The following CKAP2L variants were observed in gnomAD, a reference collection of about 807,000 sequenced individuals.
The protein encoded by CKAP2L is cytoskeleton-associated protein 2-like.
CKAP2L carries 42 observed loss-of-function variants against 65.7 expected under a neutral mutation model. The observed-to-expected ratio is 0.64, with a 90% confidence interval of 0.50 to 0.83. CKAP2L has a LOEUF of 0.83. Among genes scored for constraint, CKAP2L ranks in the 40% least tolerant of loss-of-function variants. CKAP2L has a pLI of 0.00. For synonymous variants in CKAP2L, 325 were observed against 313.5 expected, an observed-to-expected ratio of 1.04 and a Z score of -0.39; for missense variants, 908 against 871.0, an observed-to-expected ratio of 1.04 and a Z score of -0.53.
chr2:112,762,784 A>AC lies in CKAP2L; in HGVS notation c.38-216dup, dbSNP rs1409884583. Among the ~76,000 whole-genome samples, 107 of 143,672 alleles carry AC rather than the reference A, an allele frequency of 7.4e-4. 1 individual carries two copies. Among genetic ancestry groups the AC allele is most frequent in the African/African-American group, 2.7e-3 (100 of 36,848 alleles). The allele number at this position is 143,672 out of a possible 152,430, so 94.3% of individuals were successfully genotyped here. A position where few individuals can be genotyped will look rare whatever the true frequency, so the allele number is the denominator to read the frequency against. ...CTACACTAAGTTCTTTAAACTTACT[A>AC]CTTTTTTTTTTTTTTTTGAGACAGG... On this transcript the variant is annotated intron_variant, in intron 1 of 8. Coordinates refer to ENST00000302450, the MANE Select transcript of CKAP2L (RefSeq NM_152515.5).
At position 112,746,518 on chromosome 2, in the gene CKAP2L, A is replaced by G; in HGVS notation, c.1660T>C (p.Phe554Leu). ...ILSSIPEAEK[F>L]AKFWICKAKL... is the part of the protein sequence containing the mutation. ...GCTTTGCAGATCCAGAATTTAGCAA[A>G]TTTTTCAGCTTCAGGAATGCTGGAC... Residue 554 changes from phenylalanine to leucine, a missense_variant, in exon 6 of 9, where the codon TTT becomes CTT. By Grantham distance (22) the Phe-to-Leu change is conservative (BLOSUM62 0). Coordinates refer to ENST00000302450, the MANE Select transcript of CKAP2L (RefSeq NM_152515.5). 2 of 1,613,408 alleles carry G rather than the reference A, an allele frequency of 1.2e-6. No homozygotes were observed. Among genetic ancestry groups the G allele is most frequent in the Non-Finnish European group, 1.7e-6 (2 of 1,179,528 alleles).
chr2:112,752,246 G>A (rs766427281), intron 5 of CKAP2L, 21 bp downstream of exon 5: 17 of 1,568,938 alleles, frequency 1.1e-5, no homozygotes, highest in Admixed American at 1.1e-4. Flanking sequence ...AAAGCTGGAG[G>A]AGCTTATCTT....
chr2:112,739,192 C>T (rs1009105385), intron 8 of CKAP2L, 144 bp from the exon 9 acceptor site: 2 of 660,412 alleles, frequency 3.0e-6, no homozygotes, highest in Admixed American at 3.0e-5. Context: ...CAGCTTTCAT[C>T]TTCAGATGGC....
intron 8 of CKAP2L, 51 bp from the exon 9 acceptor site, chr2:112,739,099 T>C (rs776642928): frequency 1.5e-6 from 2 of 1,372,432 alleles, no homozygotes; most frequent in East Asian, 4.9e-5. Flanking sequence ...AAAAAAATTA[T>C]CTTTATTATT....
At chr2:112,755,549 C>T (rs925332194) in intron 4 of CKAP2L, among the ~76,000 whole-genome samples, 16 of 152,068 alleles carry the variant, frequency 1.1e-4, no homozygotes, top group African/African-American at 3.6e-4. Context: ...TCTGGTTCTT[C>T]CCTGGTAACT....
In CKAP2L at chr2:112,736,438, G is replaced by A. The variant is rs750818714; in HGVS notation, c.*2385C>T. On this transcript the variant is annotated 3_prime_UTR_variant, in exon 9 of 9. Transcript: ENST00000302450. ...TATAGATAATAAAATGGCTGCTATAGTGAAGCAGATTAACATTATCATCTC... is the reference window on the plus strand; with the variant it reads ...TATAGATAATAAAATGGCTGCTATAATGAAGCAGATTAACATTATCATCTC... Among the ~76,000 whole-genome samples, 1 of 151,512 alleles carries A rather than the reference G, an allele frequency of 6.6e-6. No homozygotes were observed. Among genetic ancestry groups the A allele is most frequent in the Non-Finnish European group, 1.5e-5 (1 of 68,036 alleles).
At chr2:112,741,077 T>C in intron 7 of CKAP2L, 70 bp from the exon 8 acceptor site, 1 of 979,774 alleles carries the variant, frequency 1.0e-6, no homozygotes, top group Non-Finnish European at 1.6e-6. Context: ...GTCAATAACA[T>C]GAAAAATACA....
intron 4 of CKAP2L, among the ~76,000 whole-genome samples, chr2:112,752,889 C>T (rs1301769757): frequency 6.6e-6 from 1 of 152,188 alleles, no homozygotes; most frequent in Non-Finnish European, 1.5e-5. Context: ...ATTCTACCCT[C>T]AATAAGGTCT....
chr2:112,756,333 G>C lies in CKAP2L; in HGVS notation c.1038C>G (p.Asn346Lys). ...YPSLLQGEYNNRHPNIKQDQK... is the reference protein window; with the variant it reads ...YPSLLQGEYNKRHPNIKQDQK... ...GATCTTGCTTGATGTTTGGATGTCT[G>C]TTGTTATATTCACCCTGAAGCAAAC... Residue 346 changes from asparagine to lysine, a missense_variant, in exon 4 of 9, where the codon AAC (asparagine) becomes AAG (lysine). By Grantham distance (94) the Asn-to-Lys change is moderately conservative (BLOSUM62 0). Coordinates refer to ENST00000302450, the MANE Select transcript of CKAP2L (RefSeq NM_152515.5). 6.2e-7 allele frequency: 1 copy of C among 1,613,684 alleles called. No individual in the cohort carries two copies. Among genetic ancestry groups the C allele is most frequent in the Non-Finnish European group, 8.5e-7 (1 of 1,179,788 alleles).
At position 112,738,736 on chromosome 2, in the gene CKAP2L, T is replaced by C. The variant is rs533897338; in HGVS notation, c.*87A>G. 2.0e-3 allele frequency: 1,696 copies of C among 853,210 alleles called. 20 individuals are homozygous for C. The highest frequency in any genetic ancestry group is 3.9e-3 in the Middle Eastern group (15 of 3,826). The allele number at this position is 853,210 out of a possible 1,614,324, so 52.9% of individuals were successfully genotyped here. On this transcript the variant is annotated 3_prime_UTR_variant, in exon 9 of 9. Coordinates refer to ENST00000302450, the MANE Select transcript of CKAP2L (RefSeq NM_152515.5). ...GTCCATAATCTGCATCCATGATGCC[T>C]CTCTTTTTTTCCAGGTCACTTGGAC...
At chr2:112,750,596 C>G (rs1339599461) in intron 5 of CKAP2L, among the ~76,000 whole-genome samples, 1 of 152,196 alleles carries the variant, frequency 6.6e-6, no homozygotes, top group Non-Finnish European at 1.5e-5. Context: ...TAATAAACTA[C>G]TTTCACATGG....
At chr2:112,746,369 C>T in intron 6 of CKAP2L, 51 bp downstream of exon 6, 2 of 1,479,838 alleles carry the variant, frequency 1.4e-6, no homozygotes, top group East Asian at 2.3e-5. Context: ...CAACAGAGAA[C>T]TCACATGAAA....
chr2:112,742,574 G>A (rs1680046538), intron 7 of CKAP2L, 132 bp downstream of exon 7: 2 of 714,234 alleles, frequency 2.8e-6, no homozygotes, highest in African/African-American at 1.8e-5. Context: ...TGGCTGAAAG[G>A]GCCAGGTCAT....
At chr2:112,752,123 C>T (rs1680388184) in intron 5 of CKAP2L, 144 bp downstream of exon 5, 1 of 620,818 alleles carries the variant, frequency 1.6e-6, no homozygotes. Context: ...ATGGGCATGT[C>T]ATTATTATTA....
intron 4 of CKAP2L, among the ~76,000 whole-genome samples, chr2:112,753,526 C>CTTTTTTTTTTTT (rs59027525): frequency 2.0e-5 from 2 of 100,396 alleles, no homozygotes; most frequent in Non-Finnish European, 1.9e-5. Flanking sequence ...AGTTTCTTTT[C>CTTTTTTTTTTTT]TTTTTTTTTT....
intron 2 of CKAP2L, among the ~76,000 whole-genome samples, chr2:112,761,642 A>C (rs1265603703): frequency 1.3e-5 from 2 of 152,022 alleles, no homozygotes; most frequent in Non-Finnish European, 1.5e-5. Context: ...TTTAGAAGGA[A>C]TCAATCTGCA....
At chr2:112,753,826 C>A (rs945766219) in intron 4 of CKAP2L, among the ~76,000 whole-genome samples, 3 of 152,160 alleles carry the variant, frequency 2.0e-5, no homozygotes, top group Non-Finnish European at 4.4e-5. Context: ...TTGTACCCTG[C>A]CTCCTTGAAG....
chr2:112,741,639 GTTT>G (rs1679972399), intron 7 of CKAP2L, among the ~76,000 whole-genome samples: 1 of 152,176 alleles, frequency 6.6e-6, no homozygotes, highest in Admixed American at 6.5e-5. Context: ...ACACTACCAT[GTTT>G]TAACCAAATA....
intron 8 of CKAP2L, among the ~76,000 whole-genome samples, chr2:112,739,808 G>C (rs1194519376): frequency 6.6e-6 from 1 of 152,154 alleles, no homozygotes; most frequent in African/African-American, 2.4e-5. Flanking sequence ...ACGTATGCCA[G>C]CATGCCTGGC....
Sources: allele counts gnomAD v4.1 joint callset (sites outside exome capture counted in the v4.1 genomes callset), GRCh38; gene constraint gnomAD v4.1.1; transcripts MANE v1.5; gene names NCBI Gene and HGNC (gene_info 2026-07-23, HGNC 2026-07-21).